The following ACTR3C variants were observed in gnomAD, a reference collection of about 807,000 sequenced individuals.
The protein encoded by ACTR3C is actin-related protein 3C.
Under a neutral mutation model 26.3 loss-of-function variants are expected in ACTR3C, and 18 were observed. The ratio of observed to expected loss-of-function variants is 0.68; its 90% CI spans 0.47 to 1.01. ACTR3C has a LOEUF of 1.01. Ranked by LOEUF, ACTR3C falls within the 50% of genes least tolerant of loss-of-function variation. The pLI is 0.00. For missense variants in ACTR3C, 184 were observed against 250.7 expected (o/e 0.73, Z 1.80); for synonymous variants, 55 against 94.5 (o/e 0.58, Z 2.42).
At chr7:150,041,649 C>A in the ACTR3C span, among the ~76,000 whole-genome samples, 321 of 100,106 alleles carry the variant, frequency 3.2e-3, 1 homozygote, top group African/African-American at 0.012. Flanking sequence ...CCCCCCCCTG[C>A]GATGAGGGTA....
the ACTR3C span, among the ~76,000 whole-genome samples, chr7:150,184,484 C>T: frequency 2.0e-5 from 3 of 150,642 alleles, no homozygotes; most frequent in South Asian, 2.1e-4. Context: ...CAACACAGAG[C>T]GGAGAGATGC....
the ACTR3C span, among the ~76,000 whole-genome samples, chr7:150,091,994 A>AAAAAAG: frequency 9.7e-6 from 1 of 103,404 alleles, no homozygotes; most frequent in African/African-American, 4.8e-5. Flanking sequence ...TCTCAAAAAA[A>AAAAAAG]AAAAAAAAAA....
At chr7:150,228,408 A>G in the ACTR3C span, among the ~76,000 whole-genome samples, 5 of 152,206 alleles carry the variant, frequency 3.3e-5, no homozygotes, top group Non-Finnish European at 7.3e-5. Flanking sequence ...ATCCATTGCT[A>G]TGTTATCTTA....
At chr7:150,159,594 G>A in the ACTR3C span, among the ~76,000 whole-genome samples, 11 of 152,134 alleles carry the variant, frequency 7.2e-5, no homozygotes, top group Non-Finnish European at 1.6e-4. Context: ...CATTCCACCC[G>A]AGCCCCGCCA....
chr7:150,268,108 A>C (rs1834185125), intron 6 of ACTR3C, among the ~76,000 whole-genome samples: 1 of 151,834 alleles, frequency 6.6e-6, no homozygotes, highest in African/African-American at 2.4e-5. Context: ...AATGAGAAGA[A>C]AGATGCCCTA....
At chr7:149,910,375 A>G in the ACTR3C span, among the ~76,000 whole-genome samples, 1 of 152,218 alleles carries the variant, frequency 6.6e-6, no homozygotes, top group East Asian at 1.9e-4. Flanking sequence ...AAGACACTGC[A>G]TGATAGATTC....
chr7:150,293,625 T>C (rs1355566029), intron 2 of ACTR3C, among the ~76,000 whole-genome samples: 2 of 152,070 alleles, frequency 1.3e-5, no homozygotes, highest in East Asian at 1.9e-4. Context: ...CTTACAACTA[T>C]AGGAGTCAAG....
chr7:149,915,305 C>A, the ACTR3C span, among the ~76,000 whole-genome samples: 1 of 151,952 alleles, frequency 6.6e-6, no homozygotes, highest in African/African-American at 2.4e-5. Flanking sequence ...CAACAACTAC[C>A]CTGTCTAACA....
At chr7:149,885,377 C>T in the ACTR3C span, among the ~76,000 whole-genome samples, 2 of 152,228 alleles carry the variant, frequency 1.3e-5, no homozygotes, top group African/African-American at 4.8e-5. Flanking sequence ...CCCAAGCCGC[C>T]AGGGACTTCC....
chr7:150,136,408 G>A, the ACTR3C span, among the ~76,000 whole-genome samples: 4 of 152,160 alleles, frequency 2.6e-5, no homozygotes, highest in Non-Finnish European at 5.9e-5. Context: ...AGTGGCTCAC[G>A]CCTGTAATCC....
the ACTR3C span, among the ~76,000 whole-genome samples, chr7:150,215,738 G>C: frequency 6.6e-6 from 1 of 151,106 alleles, no homozygotes; most frequent in East Asian, 2.0e-4. Flanking sequence ...TTTCTGAATT[G>C]AGAGTTTTTT....
At chr7:150,038,127 A>C in the ACTR3C span, among the ~76,000 whole-genome samples, 1 of 142,182 alleles carries the variant, frequency 7.0e-6, no homozygotes, top group Non-Finnish European at 1.6e-5. Context: ...AGGGGGGAAG[A>C]GGGGATGGAT....
At chr7:150,126,026 G>GC in the ACTR3C span, among the ~76,000 whole-genome samples, 1 of 152,180 alleles carries the variant, frequency 6.6e-6, no homozygotes, top group Non-Finnish European at 1.5e-5. Context: ...ACAGCTGACT[G>GC]CCTTGCACCA....
At chr7:150,164,270 T>C in the ACTR3C span, among the ~76,000 whole-genome samples, 1 of 152,190 alleles carries the variant, frequency 6.6e-6, no homozygotes, top group Non-Finnish European at 1.5e-5. Context: ...GGGCTGAGCA[T>C]ATCAGAGGGT....
chr7:150,197,989 T>G, the ACTR3C span, among the ~76,000 whole-genome samples: 1 of 150,688 alleles, frequency 6.6e-6, no homozygotes, highest in Non-Finnish European at 1.5e-5. Context: ...CGAGTGCCTG[T>G]GATTGCAGGC....
chr7:149,909,976 C>A, the ACTR3C span, among the ~76,000 whole-genome samples: 1,529 of 144,650 alleles, frequency 0.011, 33 homozygotes, highest in African/African-American at 0.038. Context: ...TTTATGCATC[C>A]CTAATAACTT....
At chr7:150,090,829 A>G in the ACTR3C span, among the ~76,000 whole-genome samples, 1 of 152,080 alleles carries the variant, frequency 6.6e-6, no homozygotes. Flanking sequence ...AGGTGCTTTC[A>G]TGCTTGGGTT....
At chr7:150,182,399 T>C in the ACTR3C span, among the ~76,000 whole-genome samples, 23 of 151,044 alleles carry the variant, frequency 1.5e-4, no homozygotes, top group East Asian at 1.9e-4. Context: ...TGGTCTGATA[T>C]TGTAACAGCT....
intron 1 of ACTR3C, among the ~76,000 whole-genome samples, chr7:150,310,162 A>G (rs1796180639): frequency 1.3e-5 from 2 of 152,294 alleles, no homozygotes; most frequent in African/African-American, 2.4e-5. Flanking sequence ...CCTGGGCTAC[A>G]GCCACACCTC....
Sources: allele counts gnomAD v4.1 joint callset (sites outside exome capture counted in the v4.1 genomes callset), GRCh38; gene constraint gnomAD v4.1.1; transcripts MANE v1.5; gene names NCBI Gene and HGNC (gene_info 2026-07-23, HGNC 2026-07-21).